CSMD2: variants seen among roughly 807,000 people sequenced by gnomAD.
The protein encoded by CSMD2 is CUB and Sushi multiple domains 2, also known as CUB and sushi domain-containing protein 2.
In CSMD2, 130 loss-of-function variants were observed where a neutral mutation model predicts 398.5. The observed-to-expected ratio is 0.33, with a 90% CI of 0.28 to 0.38. CSMD2 has a LOEUF of 0.38. Ranked by LOEUF, CSMD2 falls within the 10% of genes least tolerant of loss-of-function variation. The pLI is 1.00. For synonymous variants in CSMD2, 1,828 were observed against 1,908.5 expected (o/e 0.96, Z 1.10); for missense variants, 3,829 against 4,764.9 (o/e 0.80, Z 5.78).
At position 33,698,790 on chromosome 1, in the gene CSMD2, C is replaced by T. The variant is rs768234824; in HGVS notation, c.3888G>A (p.Glu1296=). 6.2e-7 allele frequency: 1 copy of T among 1,613,990 alleles called. No individual in the cohort carries two copies. The highest frequency in any genetic ancestry group is 1.1e-5 in the South Asian group (1 of 91,040). Residue 1296 remains glutamate, a synonymous_variant, in exon 24 of 71, where the codon GAG becomes GAA. Coordinates refer to ENST00000373381, the MANE Select transcript of CSMD2 (RefSeq NM_001281956.2). Reference sequence around the variant, plus strand: ...GCAGAGGCCGGTCCCAGGTCCGGCGCTCTCCACTCAGACACAGCAGCTCCT... The same window carrying T: ...GCAGAGGCCGGTCCCAGGTCCGGCGTTCTCCACTCAGACACAGCAGCTCCT... ...GSEELLCLSG[E]RRTWDRPLPT...
At chr1:33,927,591 T>C (rs1367869009) in intron 4 of CSMD2, among the ~76,000 whole-genome samples, 1 of 152,160 alleles carries the variant, frequency 6.6e-6, no homozygotes, top group East Asian at 1.9e-4. Flanking sequence ...CTACTAAATG[T>C]TGGAGCTAGG....
intron 2 of CSMD2, among the ~76,000 whole-genome samples, chr1:34,063,727 G>A (rs1481601510): frequency 6.6e-6 from 1 of 152,176 alleles, no homozygotes; most frequent in Non-Finnish European, 1.5e-5. Flanking sequence ...CTGGAAGATG[G>A]TGGCCCTCTT....
Position 33,700,684 on chromosome 1 carries a change from G to A in CSMD2, c.3577-11C>T, listed in dbSNP as rs767905197. On this transcript the variant is annotated splice_polypyrimidine_tract_variant and intron_variant, in intron 22 of 70. Coordinates refer to ENST00000373381, the MANE Select transcript of CSMD2 (RefSeq NM_001281956.2). ...GTTGCCATCATAAACCTGGACACAG[G>A]AGAGACCCCCAACCCAATGTCGTCA... 13 of 1,613,874 alleles carry A rather than the reference G, an allele frequency of 8.1e-6. No homozygotes were observed. The highest frequency in any genetic ancestry group is 3.3e-5 in the Admixed American group (2 of 59,988).
rs559463913 is a variant in CSMD2 at position 33,578,311 on chromosome 1, C to T, written c.7388-827G>A. Among the ~76,000 whole-genome samples, 4 of 152,376 alleles carry T rather than the reference C, an allele frequency of 2.6e-5. No homozygotes were observed. In the South Asian group the frequency reaches 8.3e-4, roughly 32 times the overall value. On this transcript the variant is annotated intron_variant, in intron 48 of 70. Transcript: ENST00000373381. ...AAACAGACCAAAACCCTGGCCTGGG[C>T]TCACGCCAGTAATCCCAGCACTTTG...
chr1:34,113,543 C>T (rs1450159152), intron 1 of CSMD2, among the ~76,000 whole-genome samples: 8 of 152,124 alleles, frequency 5.3e-5, no homozygotes, highest in Non-Finnish European at 1.0e-4. Context: ...ATTGTAAATC[C>T]CTGGCGCCCC....
At position 33,691,538 on chromosome 1, in the gene CSMD2, C is replaced by G. The variant is rs113361401; in HGVS notation, c.4052+1392G>C. Among the ~76,000 whole-genome samples the G allele has an allele frequency of 2.6e-3, 395 of 152,186 alleles. 3 individuals are homozygous for G. The highest frequency in any genetic ancestry group is 9.1e-3 in the African/African-American group (378 of 41,524). ...ATCTATATTTCTTGCAGCAAAACAC[C>G]CATTCAGCCAGTTCTTCTTAATTGG... On this transcript the variant is annotated intron_variant, in intron 25 of 70. Coordinates refer to ENST00000373381, the MANE Select transcript of CSMD2 (RefSeq NM_001281956.2).
chr1:33,825,130 T>C (rs76036040), intron 7 of CSMD2, among the ~76,000 whole-genome samples: 3,020 of 138,236 alleles, frequency 0.022, 104 homozygotes, highest in African/African-American at 0.08. Flanking sequence ...AAAGATGTCA[T>C]CCTCCCCATG....
chr1:33,948,488 T>G (rs187065903), intron 3 of CSMD2, among the ~76,000 whole-genome samples: 1 of 152,154 alleles, frequency 6.6e-6, no homozygotes, highest in African/African-American at 2.4e-5. Flanking sequence ...CACATAAACA[T>G]GCATATATAA....
At chr1:33,653,449 C>T (rs12141458) in intron 27 of CSMD2, among the ~76,000 whole-genome samples, 2,453 of 152,312 alleles carry the variant, frequency 0.016, 23 homozygotes, top group Non-Finnish European at 0.024. Context: ...CATCTGCTCG[C>T]GGCTGCAGAT....
At chr1:33,790,678 T>G (rs1205064961) in intron 11 of CSMD2, among the ~76,000 whole-genome samples, 1 of 146,308 alleles carries the variant, frequency 6.8e-6, no homozygotes, top group Non-Finnish European at 1.5e-5. Context: ...TATCTATCTA[T>G]CTATCTATCT....
intron 2 of CSMD2, among the ~76,000 whole-genome samples, chr1:34,083,157 G>A (rs1657450882): frequency 6.6e-6 from 1 of 151,956 alleles, no homozygotes; most frequent in African/African-American, 2.4e-5. Flanking sequence ...TCTGGCAAAG[G>A]GAGCAGAGAA....
At chr1:33,898,436 G>A (rs1642533020) in intron 5 of CSMD2, among the ~76,000 whole-genome samples, 1 of 152,144 alleles carries the variant, frequency 6.6e-6, no homozygotes, top group Admixed American at 6.5e-5. Flanking sequence ...AATAGGAGCA[G>A]CTGACTATCA....
At chr1:33,844,407 C>T (rs2125072646) in intron 6 of CSMD2, among the ~76,000 whole-genome samples, 1 of 152,304 alleles carries the variant, frequency 6.6e-6, no homozygotes, top group East Asian at 1.9e-4. Flanking sequence ...AGGACACTTC[C>T]TCACAACAAA....
At chr1:33,877,313 A>G (rs901075690) in intron 5 of CSMD2, among the ~76,000 whole-genome samples, 1 of 152,144 alleles carries the variant, frequency 6.6e-6, no homozygotes, top group African/African-American at 2.4e-5. Flanking sequence ...CCTGGGCCCA[A>G]TGGCTCGTTA....
At chr1:33,686,156 T>C (rs985826128) in intron 25 of CSMD2, among the ~76,000 whole-genome samples, 2 of 152,216 alleles carry the variant, frequency 1.3e-5, no homozygotes, top group Non-Finnish European at 2.9e-5. Flanking sequence ...ATTTGATGAA[T>C]GTTTTAGAGG....
intron 2 of CSMD2, among the ~76,000 whole-genome samples, chr1:34,049,483 C>G (rs1652931179): frequency 6.6e-6 from 1 of 152,132 alleles, no homozygotes; most frequent in Non-Finnish European, 1.5e-5. Context: ...TGCCTGGACC[C>G]TTAGGATAAC....
chr1:33,707,699 A>G (rs144860433), intron 22 of CSMD2, among the ~76,000 whole-genome samples: 3,247 of 19,738 alleles, frequency 0.16, 67 homozygotes, highest in Non-Finnish European at 0.21. Flanking sequence ...GCGCGCGCAC[A>G]CACACACACA....
At chr1:33,568,153 C>T (rs1011532392) in intron 52 of CSMD2, among the ~76,000 whole-genome samples, 1 of 149,272 alleles carries the variant, frequency 6.7e-6, no homozygotes, top group African/African-American at 2.5e-5. Flanking sequence ...AACAAACAAA[C>T]AAGAAACGCC....
chr1:34,128,303 C>T (rs945366472), intron 1 of CSMD2, among the ~76,000 whole-genome samples: 2 of 152,144 alleles, frequency 1.3e-5, no homozygotes, highest in Non-Finnish European at 2.9e-5. Context: ...GAGACTGAGG[C>T]GGAAAACCTC....
Sources: gnomAD v4.1 joint callset for allele counts (sites outside exome capture counted in the v4.1 genomes callset) on GRCh38, gnomAD v4.1.1 for gene constraint, MANE v1.5 for transcripts, NCBI Gene and HGNC (gene_info 2026-07-23, HGNC 2026-07-21) for gene names.